The following METTL16 variants were observed in gnomAD, a reference collection of about 807,000 sequenced individuals.
The protein encoded by METTL16 is methyltransferase 16, RNA N6-adenosine, also known as RNA N(6)-adenosine-methyltransferase METTL16.
Under a neutral mutation model 57.9 loss-of-function variants are expected in METTL16, and 19 were observed. The ratio of observed to expected loss-of-function variants is 0.33; its 90% CI spans 0.23 to 0.48. The LOEUF (loss-of-function observed/expected upper bound fraction) is 0.48, where lower values mean the gene tolerates loss of function less well. METTL16 is among the 20% of genes least tolerant of loss of function. The pLI is 0.99. For missense variants in METTL16, 434 were observed against 691.5 expected, an observed-to-expected ratio of 0.63 and a Z score of 4.18; for synonymous variants, 246 against 255.6, an observed-to-expected ratio of 0.96 and a Z score of 0.36.
At chr17:2,489,903 A>G (rs1220255230) in intron 2 of METTL16, among the ~76,000 whole-genome samples, 1 of 152,164 alleles carries the variant, frequency 6.6e-6, no homozygotes. Context: ...AGTAATCAGT[A>G]TGGAATTGGC....
At position 2,420,840 on chromosome 17, in the gene METTL16, G is replaced by A; in HGVS notation, c.953C>T (p.Ala318Val). 1 of 1,614,158 alleles carries A rather than the reference G, an allele frequency of 6.2e-7. No homozygotes were observed. The highest frequency in any genetic ancestry group is 8.5e-7 in the Non-Finnish European group (1 of 1,180,042). The change falls in exon 9 of 10, where the codon GCG (alanine) becomes GTG (valine). Residue 318 changes from alanine (A) to valine (V), a missense_variant. By Grantham distance (64) the Ala-to-Val change is moderately conservative. Coordinates refer to ENST00000263092, the MANE Select transcript of METTL16 (RefSeq NM_024086.4). The surrounding 1 kb of genome is among the most constrained non-coding windows in gnomAD (Gnocchi z 5.4). ...GAGGGATAATTCCTTCATCACGGACGCCAGCACCACGAATGTTATGGGTTT... is the reference window on the plus strand; with the variant it reads ...GAGGGATAATTCCTTCATCACGGACACCAGCACCACGAATGTTATGGGTTT... ...PRKPITFVVL[A>V]SVMKELSLKA...
chr17:2,475,947 A>G lies in METTL16; in HGVS notation c.328+1739T>C, dbSNP rs1449263642. Among the ~76,000 whole-genome samples the G allele has an allele frequency of 3.3e-5, 5 of 152,252 alleles. No individual in the cohort carries two copies. The South Asian group carries it at 8.3e-4, about 25-fold the overall frequency. On this transcript the variant is annotated intron_variant, in intron 3 of 9. Coordinates refer to ENST00000263092, the MANE Select transcript of METTL16 (RefSeq NM_024086.4). ...CTAGGCTGTCAAGCTTTTTAAGCAA[A>G]CTAGCTGAGAAGCAGAAGAGGTGAG...
chr17:2,419,019 G>A lies in METTL16; in HGVS notation c.*951C>T, dbSNP rs976927329. 4 of 153,092 alleles carry A rather than the reference G, an allele frequency of 2.6e-5. No homozygotes were observed. Among genetic ancestry groups the A allele is most frequent in the African/African-American group, 9.7e-5 (4 of 41,418 alleles). 9.5% of individuals were successfully genotyped at this position (153,092 alleles called of 1,614,324 possible). A position where few individuals can be genotyped will look rare whatever the true frequency, so the allele number is the denominator to read the frequency against. On this transcript the variant is annotated 3_prime_UTR_variant, in exon 10 of 10. Transcript: ENST00000263092. ...AAGTACAGGGGGGATTACAAGTGAA[G>A]CCACAAAAAAACAGTATTTGATCAG...
intron 1 of METTL16, 99 bp from the exon 2 acceptor site, chr17:2,502,430 G>T: frequency 8.8e-7 from 1 of 1,134,824 alleles, no homozygotes; most frequent in Middle Eastern, 2.3e-4. Flanking sequence ...CAGTACTTTG[G>T]GAGGCCAAGG....
At chr17:2,422,021 A>G (rs971916136) in intron 8 of METTL16, among the ~76,000 whole-genome samples, 3 of 152,108 alleles carry the variant, frequency 2.0e-5, no homozygotes, top group Non-Finnish European at 4.4e-5. Flanking sequence ...TTTAAAAACC[A>G]ATGGCACCTG....
Position 2,462,897 on chromosome 17 carries a change from A to G in METTL16, c.728+1311T>C, listed in dbSNP as rs141432335. Among the ~76,000 whole-genome samples the G allele has an allele frequency of 2.4e-4, 37 of 152,306 alleles. 2 individuals are homozygous for G. In the East Asian group the frequency reaches 6.9e-3, roughly 29 times the overall value. ...AATAATAATAAATAAAACCTTCCCT[A>G]TGTCCCAAAGCTAAATCCTTGGATT... On this transcript the variant is annotated intron_variant, in intron 6 of 9. Coordinates refer to ENST00000263092, the MANE Select transcript of METTL16 (RefSeq NM_024086.4).
At chr17:2,422,703 G>A (rs2066776133) in intron 8 of METTL16, among the ~76,000 whole-genome samples, 1 of 152,118 alleles carries the variant, frequency 6.6e-6, no homozygotes, top group Non-Finnish European at 1.5e-5. Flanking sequence ...GAAACTTTAG[G>A]CTGGGTGTGG....
intron 2 of METTL16, among the ~76,000 whole-genome samples, chr17:2,496,443 C>T (rs2067446319): frequency 6.6e-6 from 1 of 151,404 alleles, no homozygotes; most frequent in Non-Finnish European, 1.5e-5. Context: ...GGATTACAGA[C>T]GTGCACCACT....
At position 2,420,930 on chromosome 17, in the gene METTL16, A is replaced by T; in HGVS notation, c.889-26T>A. 5 of 1,603,376 alleles carry T rather than the reference A, an allele frequency of 3.1e-6. No individual in the cohort carries two copies. The South Asian group carries it at 5.6e-5, about 18-fold the overall frequency. On this transcript the variant is annotated intron_variant, in intron 8 of 9. Transcript: ENST00000263092. This position sits in a 1 kb window ranked among gnomAD's most constrained non-coding sequence, Gnocchi z 5.4. ...CTGCAAGAAAAAGGAAGCATAGAAA[A>T]GAGAAGAAAGTTATCCGAATAATTA... is the stretch of plus-strand genomic sequence containing the variant.
At chr17:2,436,724 G>C (rs2066911211) in intron 8 of METTL16, 1 of 152,332 alleles carries the variant, frequency 6.6e-6, no homozygotes, top group Admixed American at 6.5e-5. Context: ...CAGGCAACAA[G>C]AAGCCAACCA....
chr17:2,429,763 A>T (rs2066855653), intron 8 of METTL16, among the ~76,000 whole-genome samples: 1 of 151,814 alleles, frequency 6.6e-6, no homozygotes, highest in Non-Finnish European at 1.5e-5. Flanking sequence ...CCCCCTCCCC[A>T]ATCAAAAAAA....
At chr17:2,493,718 CAA>C (rs112843722) in intron 2 of METTL16, among the ~76,000 whole-genome samples, 5 of 128,848 alleles carry the variant, frequency 3.9e-5, no homozygotes, top group Middle Eastern at 4.0e-3. Flanking sequence ...GACTCTGTCT[CAA>C]AAAAAAAAAA....
chr17:2,421,517 C>G (rs1029128983), intron 8 of METTL16, among the ~76,000 whole-genome samples: 1 of 152,200 alleles, frequency 6.6e-6, no homozygotes, highest in South Asian at 2.1e-4. Flanking sequence ...TCCAGCCGCA[C>G]CGCACTGCCT....
intron 2 of METTL16, among the ~76,000 whole-genome samples, chr17:2,484,656 G>T (rs544707081): frequency 6.6e-6 from 1 of 152,004 alleles, no homozygotes; most frequent in African/African-American, 2.4e-5. Flanking sequence ...CACCATGCCC[G>T]GCTAATTTTG....
intron 2 of METTL16, among the ~76,000 whole-genome samples, chr17:2,493,544 C>T (rs2067417512): frequency 6.6e-6 from 1 of 151,812 alleles, no homozygotes; most frequent in South Asian, 2.1e-4. Context: ...CATGGTAAAA[C>T]CCCATCTCTA....
chr17:2,507,580 G>A (rs1469569296), intron 1 of METTL16, among the ~76,000 whole-genome samples: 10 of 150,610 alleles, frequency 6.6e-5, no homozygotes, highest in Admixed American at 2.0e-4. Context: ...CCCCTACTGG[G>A]AAGTGAGGAG....
At chr17:2,453,935 GTAATA>G (rs2067090080) in intron 6 of METTL16, among the ~76,000 whole-genome samples, 1 of 152,096 alleles carries the variant, frequency 6.6e-6, no homozygotes, top group South Asian at 2.1e-4. Context: ...TTAGAAATAA[GTAATA>G]TAATAGTTTA....
intron 6 of METTL16, among the ~76,000 whole-genome samples, chr17:2,447,470 C>T (rs1597448040): frequency 7.2e-6 from 1 of 138,244 alleles, no homozygotes; most frequent in African/African-American, 3.1e-5. Context: ...GCCCCCCGCC[C>T]GGCCAGCCGC....
intron 6 of METTL16, among the ~76,000 whole-genome samples, chr17:2,461,081 G>A (rs944213286): frequency 1.3e-5 from 2 of 152,060 alleles, no homozygotes; most frequent in African/African-American, 4.8e-5. Flanking sequence ...GACTGGGTGC[G>A]GTGGCTCGCA....
Sources: allele counts gnomAD v4.1 joint callset (sites outside exome capture counted in the v4.1 genomes callset), GRCh38; gene constraint gnomAD v4.1.1; non-coding constraint Gnocchi (gnomAD v3.1); transcripts MANE v1.5; gene names NCBI Gene and HGNC (gene_info 2026-07-23, HGNC 2026-07-21).